Variants in SCUBE2 observed in about 807,000 individuals in gnomAD.
SCUBE2 encodes the protein signal peptide, CUB domain and EGF like domain containing 2.
A neutral mutation model predicts 125.9 loss-of-function variants in SCUBE2; 114 were observed. The observed-to-expected ratio is 0.91, with a 90% CI of 0.78 to 1.06. The LOEUF is 1.06. Among genes scored for constraint, SCUBE2 ranks in the 50% least tolerant of loss-of-function variants. The probability of loss-of-function intolerance (pLI) is 0.00; values close to 1 mark genes in which losing one functional copy is unlikely to be tolerated. For missense variants in SCUBE2, 1,255 were observed against 1,301.8 expected (o/e 0.96, Z 0.55); for synonymous variants, 459 against 492.9 (o/e 0.93, Z 0.91).
intron 16 of SCUBE2, among the ~76,000 whole-genome samples, chr11:9,043,321 T>C (rs1422870188): frequency 6.6e-6 from 1 of 152,204 alleles, no homozygotes; most frequent in African/African-American, 2.4e-5. Flanking sequence ...CCAGTGTATT[T>C]CTTAAATAAT....
intron 4 of SCUBE2, among the ~76,000 whole-genome samples, chr11:9,071,965 T>C (rs1033362387): frequency 6.6e-6 from 1 of 152,112 alleles, no homozygotes; most frequent in Non-Finnish European, 1.5e-5. Flanking sequence ...CCTCATTATA[T>C]GGGTGAAAAC....
intron 9 of SCUBE2, among the ~76,000 whole-genome samples, chr11:9,057,609 C>T (rs1357554746): frequency 6.7e-6 from 1 of 148,704 alleles, no homozygotes; most frequent in Non-Finnish European, 1.5e-5. Flanking sequence ...ACCTCTGCTT[C>T]CTGGGTTCAA....
chr11:9,091,428 G>A lies in SCUBE2; in HGVS notation c.101C>T (p.Pro34Leu), dbSNP rs762168795. Reference sequence around the variant, plus strand: ...CGGCCCCGCGGCACGGCCCCGACCCGGCGGGACGGCCCCCGCCAGCAGCAG... The same window carrying A: ...CGGCCCCGCGGCACGGCCCCGACCCAGCGGGACGGCCCCCGCCAGCAGCAG... Reference protein sequence around the residue: ...PLLLLAGAVPPGRGRAAGPQE... With the variant: ...PLLLLAGAVPLGRGRAAGPQE... Residue 34 changes from proline (P) to leucine (L), a missense_variant, in exon 1 of 23, where the codon CCG becomes CTG. Transcript: ENST00000649792. This position sits in a 1 kb window ranked among gnomAD's most constrained non-coding sequence, Gnocchi z 8.5. The A allele has an allele frequency of 9.0e-6, 12 of 1,332,888 alleles. No homozygotes were observed. In the African/African-American group the frequency reaches 1.1e-4, roughly 12 times the overall value. 82.6% of individuals were successfully genotyped at this position (1,332,888 alleles called of 1,614,324 possible).
intron 20 of SCUBE2, 193 bp downstream of exon 20, chr11:9,027,171 G>A (rs748197793): frequency 1.7e-6 from 1 of 603,852 alleles, no homozygotes; most frequent in Non-Finnish European, 2.9e-6. Context: ...ACTACCTCTG[G>A]GGCCCAGCAA....
intron 14 of SCUBE2, among the ~76,000 whole-genome samples, chr11:9,049,090 A>G (rs1858088416): frequency 6.6e-6 from 1 of 152,096 alleles, no homozygotes; most frequent in South Asian, 2.1e-4. Flanking sequence ...AAATAAGTAG[A>G]TTTATAGAAA....
Position 9,074,772 on chromosome 11 carries a change from A to G in SCUBE2, c.383-157T>C, listed in dbSNP as rs982198254. On this transcript the variant is annotated intron_variant, in intron 3 of 22. Transcript: ENST00000649792. ...ATCAAAGCCGGTAAGGTCCACAGAC[A>G]ACTACCCAGTCCTTACGGGTCTGGG... is the stretch of plus-strand genomic sequence containing the variant. 6.6e-5 allele frequency among the ~76,000 whole-genome samples: 10 copies of G among 152,244 alleles called. 1 individual carries two copies. The highest frequency in any genetic ancestry group is 5.9e-4 in the Admixed American group (9 of 15,286).
At chr11:9,066,912 T>C (rs1860295965) in intron 5 of SCUBE2, 99 bp from the exon 6 acceptor site, 6 of 992,626 alleles carry the variant, frequency 6.0e-6, no homozygotes, top group African/African-American at 4.7e-5. Flanking sequence ...CTGCAAGTAT[T>C]TGAGCACCTA....
chr11:9,055,910 C>T lies in SCUBE2; in HGVS notation c.1091-1G>A. 6.2e-7 allele frequency: 1 copy of T among 1,612,886 alleles called. No homozygotes were observed. The highest frequency in any genetic ancestry group is 2.2e-5 in the East Asian group (1 of 44,876). On this transcript the variant is annotated splice_acceptor_variant, in intron 9 of 22. Coordinates refer to ENST00000649792, the MANE Select transcript of SCUBE2 (RefSeq NM_001367977.2). LOFTEE classifies it high-confidence loss of function. ...CTATCCAAAGAGCACTCATCCACAT[C>T]TGTAATGGTCAAAGGGAGAGGGGAG...
intron 9 of SCUBE2, chr11:9,057,370 A>G (rs907273819): frequency 5.9e-5 from 9 of 152,234 alleles, no homozygotes; most frequent in African/African-American, 1.9e-4. Flanking sequence ...AGAGGAATAT[A>G]CTTGAACTGC....
chr11:9,082,345 T>C (rs190674486), intron 2 of SCUBE2, among the ~76,000 whole-genome samples: 56 of 152,306 alleles, frequency 3.7e-4, no homozygotes, highest in African/African-American at 1.3e-3. Flanking sequence ...TTTCAGGAAG[T>C]CCAATTTGTC....
chr11:9,059,781 T>C, intron 8 of SCUBE2: 1 of 192,548 alleles, frequency 5.2e-6, no homozygotes, highest in Non-Finnish European at 1.1e-5. Flanking sequence ...TCAAGTTTAA[T>C]GATTAAAGCT....
intron 14 of SCUBE2, among the ~76,000 whole-genome samples, chr11:9,048,997 AGAT>A (rs550876429): frequency 6.2e-4 from 95 of 152,350 alleles, no homozygotes; most frequent in African/African-American, 2.1e-3. Context: ...GGGTAACTTC[AGAT>A]CTTAAACTGA....
chr11:9,053,730 C>T lies in SCUBE2; in HGVS notation c.1237G>A (p.Gly413Ser). 5 of 1,614,184 alleles carry T rather than the reference C, an allele frequency of 3.1e-6. No homozygotes were observed. Among genetic ancestry groups the T allele is most frequent in the Non-Finnish European group, 3.4e-6 (4 of 1,180,016 alleles). Residue 413 changes from glycine (G) to serine (S), a missense_variant, in exon 11 of 23, where the codon GGC (glycine) becomes AGC (serine). By Grantham distance (56) the Gly-to-Ser change is moderately conservative. This residue lies in a region of SCUBE2 where 378 missense variants were observed against 463.1 expected (regional missense o/e 0.82). Coordinates refer to ENST00000649792, the MANE Select transcript of SCUBE2 (RefSeq NM_001367977.2). ...GTGTTCACACAGACCTGCTGACAGC[C>T]TCCGTTGTTGATGCTGCACTCATTG... ...DTNECSINNG[G>S]CQQVCVNTVG...
chr11:9,040,636 G>A (rs997150668), intron 16 of SCUBE2, among the ~76,000 whole-genome samples: 13 of 150,654 alleles, frequency 8.6e-5, no homozygotes, highest in African/African-American at 3.2e-4. Flanking sequence ...CAGGAGAAAG[G>A]GAGGATTCAT....
At chr11:9,082,501 G>T (rs1861720880) in intron 2 of SCUBE2, among the ~76,000 whole-genome samples, 1 of 152,122 alleles carries the variant, frequency 6.6e-6, no homozygotes, top group African/African-American at 2.4e-5. Context: ...GAAAATTTAT[G>T]TCTATACAAA....
intron 6 of SCUBE2, among the ~76,000 whole-genome samples, chr11:9,066,446 C>T (rs543717437): frequency 1.4e-4 from 22 of 152,312 alleles, no homozygotes; most frequent in African/African-American, 4.6e-4. Context: ...GTGCCAGTCT[C>T]TGGAATACCA....
intron 12 of SCUBE2, 59 bp from the exon 13 acceptor site, chr11:9,052,891 G>A: frequency 2.2e-6 from 3 of 1,358,940 alleles, no homozygotes; most frequent in Non-Finnish European, 3.0e-6. Context: ...TATCCTGGTA[G>A]CAGCTAAACT....
intron 16 of SCUBE2, among the ~76,000 whole-genome samples, chr11:9,041,408 A>T (rs959401276): frequency 6.6e-6 from 1 of 152,172 alleles, no homozygotes; most frequent in Admixed American, 6.5e-5. Context: ...AGAGGAAGGG[A>T]CGAAGGATTC....
chr11:9,073,351 G>A (rs1313387129), intron 4 of SCUBE2, among the ~76,000 whole-genome samples: 1 of 152,132 alleles, frequency 6.6e-6, no homozygotes, highest in Admixed American at 6.5e-5. Flanking sequence ...CGCCCCAAAC[G>A]CTGAGAATGA....
Sources: allele counts gnomAD v4.1 joint callset (sites outside exome capture counted in the v4.1 genomes callset), GRCh38; gene constraint gnomAD v4.1.1; regional missense constraint gnomAD v4.1.1; non-coding constraint Gnocchi (gnomAD v3.1); transcripts MANE v1.5; gene names NCBI Gene and HGNC (gene_info 2026-07-23, HGNC 2026-07-21).